The following MAGEB2 variants were observed in gnomAD, a reference collection of about 807,000 sequenced individuals.
The protein encoded by MAGEB2 is MAGE family member B2.
For synonymous variants in MAGEB2, 107 were observed against 96.2 expected, an observed-to-expected ratio of 1.11 and a Z score of -0.66; for missense variants, 365 against 243.2, an observed-to-expected ratio of 1.50 and a Z score of -3.33.
Position 30,219,501 on chromosome X carries a change from C to T in MAGEB2, c.921C>T (p.Tyr307=), listed in dbSNP as rs764521778. 26 of 1,205,419 alleles carry T rather than the reference C, an allele frequency of 2.2e-5. No individual in the cohort carries two copies. The highest frequency in any genetic ancestry group is 2.3e-4 in the Middle Eastern group (1 of 4,347). The stretch of plus-strand genomic sequence containing the variant: ...CCCCCTGTGCCTTCCCAACCCATTA[C>T]GAAGAAGCTTTGAAAGATGAAGAGA... ...GTTPCAFPTH[Y]EEALKDEEKA... is the part of the protein sequence containing the mutation. The change falls in exon 2 of 2, where the codon TAC becomes TAT. Residue 307 remains tyrosine (Y), a synonymous_variant. Transcript: ENST00000378988.
chrX:30,219,164 C>T lies in MAGEB2; in HGVS notation c.584C>T (p.Ser195Phe). ...ACTGATGAGGAATCCCTGCTCAGTT[C>T]CTGGGACTTTCCCAGGAGAAAGCTT... ...DLTDEESLLS[S>F]WDFPRRKLLM... is the part of the protein sequence containing the mutation. Residue 195 changes from serine (S) to phenylalanine (F), a missense_variant, in exon 2 of 2, where the codon TCC (serine) becomes TTC (phenylalanine). By Grantham distance (155) the Ser-to-Phe change is radical. Transcript: ENST00000378988. The T allele has an allele frequency of 8.3e-7, 1 of 1,210,725 alleles. No homozygotes were observed. Among genetic ancestry groups the T allele is most frequent in the Non-Finnish European group, 1.1e-6 (1 of 895,027 alleles).
Position 30,219,717 on chromosome X carries a change from T to TC in MAGEB2, c.*177_*178insC. ...TGAATAACTTGTTGACTTTTTTTTT[T>TC]TCTCTTTTTCAACTAGTGTTTCAAC... On this transcript the variant is annotated 3_prime_UTR_variant, in exon 2 of 2. Transcript: ENST00000378988. 1 of 384,795 alleles carries TC rather than the reference T, an allele frequency of 2.6e-6. No individual in the cohort carries two copies. Among genetic ancestry groups the TC allele is most frequent in the Non-Finnish European group, 4.5e-6 (1 of 223,785 alleles). The allele number at this position is 384,795 out of a possible 1,213,427, so 31.7% of individuals were successfully genotyped here.
Position 30,219,699 on chromosome X carries a change from C to G in MAGEB2, c.*159C>G. 2.6e-6 allele frequency: 1 copy of G among 391,451 alleles called. No homozygotes were observed. Among genetic ancestry groups the G allele is most frequent in the Non-Finnish European group, 4.2e-6 (1 of 238,643 alleles). 32.3% of individuals were successfully genotyped at this position (391,451 alleles called of 1,213,427 possible). ...CTTTGTTCTTGTTATGCATGAATAACTTGTTGACTTTTTTTTTTTCTCTTT... is the reference window on the plus strand; with the variant it reads ...CTTTGTTCTTGTTATGCATGAATAAGTTGTTGACTTTTTTTTTTTCTCTTT... On this transcript the variant is annotated 3_prime_UTR_variant, in exon 2 of 2. Coordinates refer to ENST00000378988, the MANE Select transcript of MAGEB2 (RefSeq NM_002364.5).
rs780983841 is a variant in MAGEB2 at position 30,219,569 on chromosome X, C to G, written c.*29C>G. On this transcript the variant is annotated 3_prime_UTR_variant, in exon 2 of 2. Coordinates refer to ENST00000378988, the MANE Select transcript of MAGEB2 (RefSeq NM_002364.5). ...AGAGTTGTAGCCAGGCCTTGCACTA[C>G]TGCCATAGCCAATCAATCTCCCAAA... The G allele has an allele frequency of 4.2e-5, 48 of 1,139,024 alleles. No homozygotes were observed. The South Asian group carries it at 9.8e-4, about 23-fold the overall frequency. The allele number at this position is 1,139,024 out of a possible 1,213,427, so 93.9% of individuals were successfully genotyped here.
At chrX:30,216,784 C>G (rs1303555733) in intron 1 of MAGEB2, among the ~76,000 whole-genome samples, 1 of 106,739 alleles carries the variant, frequency 9.4e-6, no homozygotes, top group African/African-American at 3.5e-5. Flanking sequence ...ACTCGGGAGG[C>G]TGAGGCAGGA....
rs1020866755 is a variant in MAGEB2, at chrX:30,218,598, G to C, written c.18G>C (p.Lys6Asn). 1.7e-6 allele frequency: 2 copies of C among 1,207,851 alleles called. No homozygotes were observed. Among genetic ancestry groups the C allele is most frequent in the Non-Finnish European group, 2.2e-6 (2 of 893,388 alleles). Residue 6 changes from lysine (K) to asparagine (N), a missense_variant, in exon 2 of 2, where the codon AAG (lysine) becomes AAC (asparagine). Lys to Asn is a moderately conservative substitution (Grantham distance 94). Coordinates refer to ENST00000378988, the MANE Select transcript of MAGEB2 (RefSeq NM_002364.5). Reference sequence around the variant, plus strand: ...CAGCCATCATGCCTCGTGGTCAGAAGAGTAAGCTCCGTGCCCGTGAGAAAC... The same window carrying C: ...CAGCCATCATGCCTCGTGGTCAGAACAGTAAGCTCCGTGCCCGTGAGAAAC... MPRGQ[K>N]SKLRAREKRR... is the part of the protein sequence containing the mutation.
chrX:30,215,828 G>C (rs371044784), intron 1 of MAGEB2, among the ~76,000 whole-genome samples, 173 bp downstream of exon 1: 1 of 110,685 alleles, frequency 9.0e-6, no homozygotes, highest in African/African-American at 3.3e-5. Flanking sequence ...AGTCGCGGGG[G>C]AAGGAGGTTT....
At position 30,218,881 on chromosome X, in the gene MAGEB2, A is replaced by G. The variant is rs1924477689; in HGVS notation, c.301A>G (p.Thr101Ala). ...AAATGCAAGTTCCTCCCAGGCCTCA[A>G]CATCCACTAAGAGCCCAAGCGAAGA... ...EKNASSSQASTSTKSPSEDPL... is the reference protein window; with the variant it reads ...EKNASSSQASASTKSPSEDPL... The change falls in exon 2 of 2, where the codon ACA (threonine) becomes GCA (alanine). Residue 101 changes from threonine to alanine, a missense_variant. Thr to Ala is a moderately conservative substitution (Grantham distance 58). Coordinates refer to ENST00000378988, the MANE Select transcript of MAGEB2 (RefSeq NM_002364.5). 1 of 1,208,418 alleles carries G rather than the reference A, an allele frequency of 8.3e-7. No homozygotes were observed. Among genetic ancestry groups the G allele is most frequent in the South Asian group, 1.8e-5 (1 of 56,129 alleles).
In MAGEB2 at chrX:30,218,873, A is replaced by T; in HGVS notation, c.293A>T (p.Gln98Leu). ...HQGEKNASSS[Q>L]ASTSTKSPSE... ...GGTGAGAAAAATGCAAGTTCCTCCC[A>T]GGCCTCAACATCCACTAAGAGCCCA... The change falls in exon 2 of 2, where the codon CAG becomes CTG. Residue 98 changes from glutamine to leucine, a missense_variant. Coordinates refer to ENST00000378988, the MANE Select transcript of MAGEB2 (RefSeq NM_002364.5). The T allele has an allele frequency of 8.3e-7, 1 of 1,206,893 alleles. No homozygotes were observed. Among genetic ancestry groups the T allele is most frequent in the African/African-American group, 1.7e-5 (1 of 57,880 alleles).
At chrX:30,215,887 T>C (rs1160323248) in intron 1 of MAGEB2, among the ~76,000 whole-genome samples, 1 of 111,056 alleles carries the variant, frequency 9.0e-6, no homozygotes. Context: ...GTGTAGGCCC[T>C]AACTGAAATC....
At chrX:30,216,886 TAAAA>T (rs59753945) in intron 1 of MAGEB2, among the ~76,000 whole-genome samples, 43 of 87,484 alleles carry the variant, frequency 4.9e-4, no homozygotes, top group African/African-American at 1.8e-3. Flanking sequence ...CTCCGTCTCT[TAAAA>T]AAAAAAAAAA....
In MAGEB2 at chrX:30,219,094, A is replaced by C; in HGVS notation, c.514A>C (p.Asn172His). 8.3e-7 allele frequency: 1 copy of C among 1,210,204 alleles called. No homozygotes were observed. Among genetic ancestry groups the C allele is most frequent in the Non-Finnish European group, 1.1e-6 (1 of 894,636 alleles). The change falls in exon 2 of 2, where the codon AAC becomes CAC. Residue 172 changes from asparagine to histidine, a missense_variant. Transcript: ENST00000378988. ...CTTTGGCCTTGAGCTGAATAAAGTCAACCCCAACGGCCACACTTACACCTT... is the reference window on the plus strand; with the variant it reads ...CTTTGGCCTTGAGCTGAATAAAGTCCACCCCAACGGCCACACTTACACCTT... ...VVFGLELNKV[N>H]PNGHTYTFID...
rs1271432240 is a variant in MAGEB2 at position 30,219,121 on chromosome X, A to G, written c.541A>G (p.Ile181Val). 4 of 1,210,568 alleles carry G rather than the reference A, an allele frequency of 3.3e-6. No individual in the cohort carries two copies. Among genetic ancestry groups the G allele is most frequent in the South Asian group, 1.8e-5 (1 of 56,618 alleles). The part of the protein sequence containing the change: ...VNPNGHTYTF[I>V]DKVDLTDEES... ...CCCCAACGGCCACACTTACACCTTC[A>G]TCGACAAGGTAGACCTCACTGATGA... Residue 181 changes from isoleucine to valine, a missense_variant, in exon 2 of 2, where the codon ATC becomes GTC. Physicochemically the swap from Ile to Val is conservative, Grantham distance 29 (BLOSUM62 3). Coordinates refer to ENST00000378988, the MANE Select transcript of MAGEB2 (RefSeq NM_002364.5).
chrX:30,215,897 C>T (rs1272940559), intron 1 of MAGEB2, among the ~76,000 whole-genome samples: 1 of 111,118 alleles, frequency 9.0e-6, no homozygotes, highest in Non-Finnish European at 1.9e-5. Context: ...TAACTGAAAT[C>T]AATTTGAGGG....
rs1404272894 is a variant in MAGEB2, at chrX:30,218,639, A to T, written c.59A>T (p.Asp20Val). 8 of 1,209,398 alleles carry T rather than the reference A, an allele frequency of 6.6e-6. No individual in the cohort carries two copies. The highest frequency in any genetic ancestry group is 6.7e-6 in the Non-Finnish European group (6 of 894,777). Reference sequence around the variant, plus strand: ...CGTGAGAAACGCCGCAAGGCCCGAGATGAGACCCGGGGTCTCAATGTTCCT... The same window carrying T: ...CGTGAGAAACGCCGCAAGGCCCGAGTTGAGACCCGGGGTCTCAATGTTCCT... The part of the protein sequence containing the change: ...RAREKRRKAR[D>V]ETRGLNVPQV... The change falls in exon 2 of 2, where the codon GAT becomes GTT. Residue 20 changes from aspartate to valine, a missense_variant. By Grantham distance (152) the Asp-to-Val change is radical. Coordinates refer to ENST00000378988, the MANE Select transcript of MAGEB2 (RefSeq NM_002364.5).
At position 30,219,185 on chromosome X, in the gene MAGEB2, A is replaced by C; in HGVS notation, c.605A>C (p.Lys202Thr). 1 of 1,210,637 alleles carries C rather than the reference A, an allele frequency of 8.3e-7. No homozygotes were observed. Among genetic ancestry groups the C allele is most frequent in the South Asian group, 1.8e-5 (1 of 56,783 alleles). ...LLSSWDFPRRKLLMPLLGVIF... is the reference protein window; with the variant it reads ...LLSSWDFPRRTLLMPLLGVIF... Reference sequence around the variant, plus strand: ...AGTTCCTGGGACTTTCCCAGGAGAAAGCTTCTGATGCCTCTCCTGGGTGTG... The same window carrying C: ...AGTTCCTGGGACTTTCCCAGGAGAACGCTTCTGATGCCTCTCCTGGGTGTG... Residue 202 changes from lysine to threonine, a missense_variant, in exon 2 of 2, where the codon AAG becomes ACG. Physicochemically the swap from Lys to Thr is moderately conservative, Grantham distance 78. Transcript: ENST00000378988.
rs1479829058 is a variant in MAGEB2 at position 30,218,804 on chromosome X, G to A, written c.224G>A (p.Gly75Asp). 7.6e-6 allele frequency: 9 copies of A among 1,188,126 alleles called. No individual in the cohort carries two copies. The highest frequency in any genetic ancestry group is 1.0e-5 in the Non-Finnish European group (9 of 883,532). Residue 75 changes from glycine to aspartate, a missense_variant, in exon 2 of 2, where the codon GGT (glycine) becomes GAT (aspartate). Transcript: ENST00000378988. ...ACCACTGCCGCTGCTGCGGCTGCGG[G>A]TGTTTCATCCACAAAATCTAAAAAA... ...APTTAAAAAA[G>D]VSSTKSKKGA...
chrX:30,218,632 G>C lies in MAGEB2; in HGVS notation c.52G>C (p.Ala18Pro), dbSNP rs1924466727. The change falls in exon 2 of 2, where the codon GCC becomes CCC. Residue 18 changes from alanine to proline, a missense_variant. By Grantham distance (27) the Ala-to-Pro change is conservative. Coordinates refer to ENST00000378988, the MANE Select transcript of MAGEB2 (RefSeq NM_002364.5). ...KLRAREKRRK[A>P]RDETRGLNVP... is the part of the protein sequence containing the mutation. ...CCGTGCCCGTGAGAAACGCCGCAAG[G>C]CCCGAGATGAGACCCGGGGTCTCAA... 5 of 1,211,293 alleles carry C rather than the reference G, an allele frequency of 4.1e-6. No individual in the cohort carries two copies. The highest frequency in any genetic ancestry group is 3.5e-5 in the South Asian group (2 of 56,811).
chrX:30,215,956 CCTCA>C (rs1292378855), intron 1 of MAGEB2, among the ~76,000 whole-genome samples: 2 of 111,478 alleles, frequency 1.8e-5, no homozygotes, highest in African/African-American at 6.5e-5. Context: ...ACAAAGGTGG[CCTCA>C]CTAAGTCTCG....
Sources: gnomAD v4.1 joint callset for allele counts (sites outside exome capture counted in the v4.1 genomes callset) on GRCh38, gnomAD v4.1.1 for gene constraint, MANE v1.5 for transcripts, NCBI Gene and HGNC (gene_info 2026-07-23, HGNC 2026-07-21) for gene names.